Variants in SACS observed in about 807,000 individuals in gnomAD.
SACS encodes sacsin molecular chaperone.
A neutral mutation model predicts 348.0 loss-of-function variants in SACS; 197 were observed. The observed-to-expected ratio is 0.57, with a 90% confidence interval of 0.50 to 0.64. SACS has a LOEUF of 0.64. Among genes scored for constraint, SACS ranks in the 30% least tolerant of loss-of-function variants. The pLI, the probability that SACS is intolerant of heterozygous loss-of-function variation, is 0.00. For missense variants in SACS, 4,999 were observed against 5,360.8 expected, an observed-to-expected ratio of 0.93 and a Z score of 2.11; for synonymous variants, 1,985 against 1,910.6, an observed-to-expected ratio of 1.04 and a Z score of -1.02.
chr13:23,341,651 C>A lies in SACS; in HGVS notation c.2225G>T (p.Arg742Leu). Residue 742 changes from arginine to leucine, a missense_variant, in exon 10 of 10, where the codon CGA becomes CTA. Arg to Leu is a moderately radical substitution (Grantham distance 102, BLOSUM62 -2). This residue lies in a region of SACS where 3,156 missense variants were observed against 3,380.1 expected (regional missense o/e 0.93). Transcript: ENST00000382292. ...CTQLQLLNPE[R>L]FARLIKEVMN... ...TACTTCCTTGATAAGACGTGCAAAT[C>A]GTTCTGGATTTAGAAGCTGCAGCTG... is the stretch of plus-strand genomic sequence containing the variant. 6.2e-7 allele frequency: 1 copy of A among 1,613,368 alleles called. No individual in the cohort carries two copies. The highest frequency in any genetic ancestry group is 2.2e-5 in the East Asian group (1 of 44,866).
chr13:23,354,368 T>G, intron 8 of SACS, 151 bp downstream of exon 8: 4 of 672,476 alleles, frequency 5.9e-6, no homozygotes, highest in Non-Finnish European at 7.7e-6. Context: ...AATGTATCCT[T>G]TGGTATTTTA....
rs1437132469 is a variant in SACS, at chr13:23,368,387, C to A, written c.345+15G>T. The A allele has an allele frequency of 6.4e-6, 10 of 1,573,024 alleles. No individual in the cohort carries two copies. Among genetic ancestry groups the A allele is most frequent in the South Asian group, 1.1e-5 (1 of 88,834 alleles). Reference sequence around the variant, plus strand: ...TATCAAAGTAAATAACACATGAACACGACATGTGCCCCACCTTAAGAATCT... The same window carrying A: ...TATCAAAGTAAATAACACATGAACAAGACATGTGCCCCACCTTAAGAATCT... On this transcript the variant is annotated intron_variant, in intron 5 of 9. Coordinates refer to ENST00000382292, the MANE Select transcript of SACS (RefSeq NM_014363.6).
intron 1 of SACS, among the ~76,000 whole-genome samples, chr13:23,421,103 T>C (rs1016996551): frequency 1.3e-4 from 20 of 152,108 alleles, no homozygotes; most frequent in African/African-American, 4.8e-4. Context: ...ACCTTGGGCC[T>C]GTTGTTCCTC....
At chr13:23,418,708 T>C (rs1198557610) in intron 1 of SACS, among the ~76,000 whole-genome samples, 3 of 152,204 alleles carry the variant, frequency 2.0e-5, no homozygotes, top group African/African-American at 4.8e-5. Flanking sequence ...ATTCACCATG[T>C]TGGCCAGGGT....
At chr13:23,364,084 T>C (rs1422490883) in intron 6 of SACS, among the ~76,000 whole-genome samples, 3 of 152,160 alleles carry the variant, frequency 2.0e-5, no homozygotes, top group African/African-American at 7.2e-5. Context: ...ACACCTCTTT[T>C]TATAGAGTAT....
Position 23,401,004 on chromosome 13 carries a change from A to G in SACS, c.20+10216T>C, listed in dbSNP as rs1236471754. On this transcript the variant is annotated intron_variant, in intron 2 of 9. Transcript: ENST00000382292. ...AGCGTATCAAATAAAAAAGATACCT[A>G]ACCTTTGCTAGGTTACATTCAAATG... Among the ~76,000 whole-genome samples, 4 of 152,042 alleles carry G rather than the reference A, an allele frequency of 2.6e-5. No individual in the cohort carries two copies. In the East Asian group the frequency reaches 5.8e-4, roughly 22 times the overall value.
chr13:23,397,274 A>G (rs1216362886), intron 2 of SACS, among the ~76,000 whole-genome samples: 1 of 152,202 alleles, frequency 6.6e-6, no homozygotes, highest in Non-Finnish European at 1.5e-5. Context: ...GGGAAAAGAG[A>G]GTAATTTTGT....
intron 2 of SACS, among the ~76,000 whole-genome samples, chr13:23,382,847 T>C (rs901559881): frequency 6.6e-6 from 1 of 150,560 alleles, no homozygotes; most frequent in Non-Finnish European, 1.5e-5. Flanking sequence ...AGTAGTGTGA[T>C]CATGGCTCAC....
chr13:23,403,284 GT>G (rs1873063267), intron 2 of SACS, among the ~76,000 whole-genome samples: 1 of 152,178 alleles, frequency 6.6e-6, no homozygotes, highest in Non-Finnish European at 1.5e-5. Context: ...CATAAAATGA[GT>G]TAGGGAGGAG....
chr13:23,335,887 G>A lies in SACS; in HGVS notation c.7989C>T (p.Pro2663=), dbSNP rs766086455. ...RYAPGATSIS[P]GRMFRDLDAD... Reference sequence around the variant, plus strand: ...CATCCAAATCTCTAAACATGCGTCCGGGACTAATGGATGTGGCCCCTGGTG... The same window carrying A: ...CATCCAAATCTCTAAACATGCGTCCAGGACTAATGGATGTGGCCCCTGGTG... The change falls in exon 10 of 10, where the codon CCC becomes CCT. Residue 2663 remains proline, a synonymous_variant. Transcript: ENST00000382292. This position sits in a 1 kb window ranked among gnomAD's most constrained non-coding sequence, Gnocchi z 4.7. 79 of 1,613,464 alleles carry A rather than the reference G, an allele frequency of 4.9e-5. No individual in the cohort carries two copies. Among genetic ancestry groups the A allele is most frequent in the Middle Eastern group, 1.6e-4 (1 of 6,082 alleles).
intron 2 of SACS, among the ~76,000 whole-genome samples, chr13:23,375,702 A>C (rs1007499198): frequency 4.1e-5 from 6 of 148,084 alleles, no homozygotes; most frequent in Non-Finnish European, 9.0e-5. Context: ...CGCCCAGTCA[A>C]GTTCTGTCTT....
intron 2 of SACS, among the ~76,000 whole-genome samples, chr13:23,400,329 T>C (rs1056721101): frequency 5.3e-5 from 8 of 152,230 alleles, no homozygotes; most frequent in African/African-American, 1.9e-4. Flanking sequence ...ATGGTTTATA[T>C]GGCATGACTC....
At position 23,334,133 on chromosome 13, in the gene SACS, C is replaced by A. The variant is rs778844692; in HGVS notation, c.9743G>T (p.Trp3248Leu). The change falls in exon 10 of 10, where the codon TGG (tryptophan) becomes TTG (leucine). Residue 3248 changes from tryptophan (W) to leucine (L), a missense_variant. Physicochemically the swap from Trp to Leu is moderately conservative, Grantham distance 61 (BLOSUM62 -2). This residue lies in a region of SACS where 734 missense variants were observed against 694.0 expected (regional missense o/e 1.06). Coordinates refer to ENST00000382292, the MANE Select transcript of SACS (RefSeq NM_014363.6). ...FASESWLKNAWHFISESVSVK... is the reference protein window; with the variant it reads ...FASESWLKNALHFISESVSVK... ...ACTTACAGATTCACTAATAAAATGC[C>A]ATGCATTCTTAAGCCAAGACTCACT... 4 of 1,613,818 alleles carry A rather than the reference C, an allele frequency of 2.5e-6. No individual in the cohort carries two copies. In the South Asian group the frequency reaches 4.4e-5, roughly 18 times the overall value.
chr13:23,362,735 A>T (rs1870817028), intron 6 of SACS, among the ~76,000 whole-genome samples: 1 of 151,426 alleles, frequency 6.6e-6, no homozygotes, highest in Non-Finnish European at 1.5e-5. Context: ...ACAGATATGC[A>T]TCACCACGCA....
chr13:23,384,339 C>G (rs114708031), intron 2 of SACS, among the ~76,000 whole-genome samples: 1 of 152,286 alleles, frequency 6.6e-6, no homozygotes, highest in African/African-American at 2.4e-5. Flanking sequence ...TGATCATGGC[C>G]TCTTGTATGT....
At chr13:23,386,848 G>A (rs569119181) in intron 2 of SACS, among the ~76,000 whole-genome samples, 1 of 152,242 alleles carries the variant, frequency 6.6e-6, no homozygotes, top group East Asian at 1.9e-4. Flanking sequence ...GTGTCTTAGG[G>A]AAAAGAGAGG....
At position 23,354,532 on chromosome 13, in the gene SACS, C is replaced by T. The variant is rs17325713; in HGVS notation, c.2080G>A (p.Ala694Thr). ...GGGGACCCCTACCTTGGATATTCTG[C>T]TGAGGTAATATAAATGACATCTTGG... Reference protein sequence around the residue: ...SDQDVIYITSAEYPRSLFPSL... With the variant: ...SDQDVIYITSTEYPRSLFPSL... Residue 694 changes from alanine to threonine, a missense_variant, in exon 8 of 10, where the codon GCA (alanine) becomes ACA (threonine). Physicochemically the swap from Ala to Thr is moderately conservative, Grantham distance 58. Transcript: ENST00000382292. 0.031 allele frequency: 50,740 copies of T among 1,613,750 alleles called. 948 individuals carry two copies. The highest frequency in any genetic ancestry group is 0.037 in the Non-Finnish European group (44,031 of 1,179,726).
At chr13:23,390,716 G>A (rs576755384) in intron 2 of SACS, among the ~76,000 whole-genome samples, 1 of 152,286 alleles carries the variant, frequency 6.6e-6, no homozygotes, top group South Asian at 2.1e-4. Context: ...GTTATACTGG[G>A]TAATACATTT....
chr13:23,432,665 TTTATTATTA>T (rs139886400), intron 1 of SACS, among the ~76,000 whole-genome samples: 1 of 151,970 alleles, frequency 6.6e-6, no homozygotes, highest in African/African-American at 2.4e-5. Context: ...TTGTCAATTA[TTTATTATTA>T]TTATTATTAT....
Sources: allele counts gnomAD v4.1 joint callset (sites outside exome capture counted in the v4.1 genomes callset), GRCh38; gene constraint gnomAD v4.1.1; regional missense constraint gnomAD v4.1.1; non-coding constraint Gnocchi (gnomAD v3.1); transcripts MANE v1.5; gene names NCBI Gene and HGNC (gene_info 2026-07-23, HGNC 2026-07-21).